Variants in OPRM1 observed in about 807,000 individuals in gnomAD.
OPRM1 encodes opioid receptor mu 1.
In OPRM1, 27 loss-of-function variants were observed where a neutral mutation model predicts 31.8. The observed-to-expected ratio is 0.85, with a 90% confidence interval of 0.63 to 1.17. The LOEUF (loss-of-function observed/expected upper bound fraction) is 1.17, where lower values mean the gene tolerates loss of function less well. Ranked by LOEUF, OPRM1 falls within the 50% of genes most tolerant of loss-of-function variation. The pLI is 0.00. For missense variants in OPRM1, 536 were observed against 511.1 expected (o/e 1.05, Z -0.47); for synonymous variants, 196 against 189.9 (o/e 1.03, Z -0.26).
chr6:154,199,870 T>C, intron 3 of OPRM1: 1 of 1,614,202 alleles, frequency 6.2e-7, no homozygotes, highest in Non-Finnish European at 8.5e-7. Context: ...TTATTGGTTG[T>C]CCCTCATCTT....
chr6:154,100,110 T>TATGA (rs1562472323), intron 3 of OPRM1, among the ~76,000 whole-genome samples: 1 of 24,708 alleles, frequency 4.0e-5, no homozygotes, highest in Admixed American at 5.0e-4. Flanking sequence ...GATATATATA[T>TATGA]TATATATTAT....
At chr6:154,054,000 T>C (rs1418283475) in intron 1 of OPRM1, among the ~76,000 whole-genome samples, 1 of 152,018 alleles carries the variant, frequency 6.6e-6, no homozygotes, top group Non-Finnish European at 1.5e-5. Context: ...CACAATATGC[T>C]TAGACATGTA....
At chr6:154,232,787 G>C (rs554851425) in intron 3 of OPRM1, among the ~76,000 whole-genome samples, 1 of 151,960 alleles carries the variant, frequency 6.6e-6, no homozygotes, top group African/African-American at 2.4e-5. Context: ...GCTATAACCA[G>C]CTTCTCCAGA....
intron 3 of OPRM1, among the ~76,000 whole-genome samples, chr6:154,196,444 A>G (rs1199196584): frequency 2.0e-5 from 3 of 152,184 alleles, no homozygotes; most frequent in Non-Finnish European, 4.4e-5. Context: ...CTTGTTATCT[A>G]CATGACTCCC....
At chr6:154,149,791 T>C (rs539479749) in intron 3 of OPRM1, among the ~76,000 whole-genome samples, 1 of 152,308 alleles carries the variant, frequency 6.6e-6, no homozygotes, top group South Asian at 2.1e-4. Flanking sequence ...GCCTTGTGCC[T>C]ACTACAGTAG....
chr6:154,061,704 C>T (rs1238410833), intron 1 of OPRM1, among the ~76,000 whole-genome samples: 1 of 151,896 alleles, frequency 6.6e-6, no homozygotes, highest in African/African-American at 2.4e-5. Context: ...GATCAAAAAA[C>T]TTTTATCAGG....
At chr6:154,035,281 A>C (rs552074290), upstream of OPRM1, among the ~76,000 whole-genome samples, 1 of 152,204 alleles carries the variant, frequency 6.6e-6, no homozygotes, top group Non-Finnish European at 1.5e-5. Flanking sequence ...ATTGGGTAGA[A>C]GTTGGTGTGA....
intron 3 of OPRM1, among the ~76,000 whole-genome samples, chr6:154,099,349 G>A (rs754130451): frequency 2.5e-3 from 24 of 9,456 alleles, no homozygotes; most frequent in African/African-American, 6.5e-3. Context: ...GGAAGAGAGC[G>A]AGAGAGAGAG....
At chr6:154,239,982 G>A (rs529088525) in intron 3 of OPRM1, among the ~76,000 whole-genome samples, 13 of 152,258 alleles carry the variant, frequency 8.5e-5, no homozygotes, top group South Asian at 4.1e-4. Flanking sequence ...GACTACAGGC[G>A]TGAGCCACAG....
At chr6:154,080,872 T>A (rs922908466) in intron 1 of OPRM1, among the ~76,000 whole-genome samples, 2 of 152,246 alleles carry the variant, frequency 1.3e-5, no homozygotes, top group Non-Finnish European at 2.9e-5. Flanking sequence ...CATTCTCCCA[T>A]GCTGGAAGTG....
intron 3 of OPRM1, among the ~76,000 whole-genome samples, chr6:154,100,949 A>G (rs2128503401): frequency 6.7e-6 from 1 of 148,998 alleles, no homozygotes; most frequent in South Asian, 2.1e-4. Flanking sequence ...ATAAATATAT[A>G]TACACACATA....
rs186720564 is a variant in OPRM1 at position 154,061,758 on chromosome 6, A to G, written c.290+21924A>G. 2.0e-5 allele frequency among the ~76,000 whole-genome samples: 3 copies of G among 151,884 alleles called. No homozygotes were observed. The East Asian group carries it at 5.8e-4, about 29-fold the overall frequency. ...AGTGACAAAATCATTTGAACACCAA[A>G]CTCCAGTGACATGCAATTTACCTAT... On this transcript the variant is annotated intron_variant, in intron 1 of 3. Coordinates refer to ENST00000330432, the MANE Select transcript of OPRM1 (RefSeq NM_000914.5).
chr6:154,198,980 T>C lies in OPRM1; in HGVS notation c.1165-47713T>C, dbSNP rs113191641. 5.6e-3 allele frequency among the ~76,000 whole-genome samples: 860 copies of C among 152,294 alleles called. 5 individuals are homozygous for C. The highest frequency in any genetic ancestry group is 0.02 in the African/African-American group (817 of 41,560). ...ACAATCAGAAAAGATACGTCACGAT[T>C]GAACAGTAATAAAAATAAGTTAGTC... On this transcript the variant is annotated intron_variant, in intron 3 of 3. Coordinates refer to the OPRM1 transcript ENST00000337049.
In OPRM1 at chr6:154,127,412, G is replaced by A. The variant is rs1797654458; in HGVS notation, c.*8691G>A. On this transcript the variant is annotated 3_prime_UTR_variant, in exon 4 of 4. Coordinates refer to ENST00000330432, the MANE Select transcript of OPRM1 (RefSeq NM_000914.5). Reference sequence around the variant, plus strand: ...CTCTTCAAGGGTTTAGGGGCTTAGGGGGAGGTTTTGTTTGGGTTTTTTGTT... The same window carrying A: ...CTCTTCAAGGGTTTAGGGGCTTAGGAGGAGGTTTTGTTTGGGTTTTTTGTT... Among the ~76,000 whole-genome samples the A allele has an allele frequency of 6.6e-6, 1 of 152,142 alleles. No homozygotes were observed.
chr6:154,200,857 C>T (rs186889861), intron 3 of OPRM1, among the ~76,000 whole-genome samples: 1 of 152,152 alleles, frequency 6.6e-6, no homozygotes, highest in Admixed American at 6.5e-5. Context: ...GAGAAAACAT[C>T]AAAGCAACAT....
At position 154,091,484 on chromosome 6, in the gene OPRM1, C is replaced by G. The variant is rs17181227; in HGVS notation, c.1164+12C>G. ...GAACTAATCATCAGGTACGCAGTCT[C>G]TAGAATTAGGTATATCTACTGGGGA... is the stretch of plus-strand genomic sequence containing the variant. On this transcript the variant is annotated intron_variant, in intron 3 of 3. Transcript: ENST00000330432. The G allele has an allele frequency of 6.7e-4, 1,077 of 1,602,928 alleles. 4 individuals carry two copies. The African/African-American group carries it at 0.013, about 19-fold the overall frequency.
intron 1 of OPRM1, among the ~76,000 whole-genome samples, chr6:154,082,623 A>C (rs929479104): frequency 5.3e-5 from 8 of 152,204 alleles, no homozygotes; most frequent in African/African-American, 1.9e-4. Flanking sequence ...CTAGTAATGT[A>C]TACTTGATTT....
intron 1 of OPRM1, among the ~76,000 whole-genome samples, chr6:154,082,764 T>C (rs1249507254): frequency 5.9e-5 from 9 of 152,222 alleles, no homozygotes; most frequent in Admixed American, 5.9e-4. Flanking sequence ...AGCAGTATTC[T>C]CTGTAAACCA....
intron 3 of OPRM1, among the ~76,000 whole-genome samples, chr6:154,205,633 T>G (rs1263162237): frequency 6.6e-6 from 1 of 152,100 alleles, no homozygotes; most frequent in African/African-American, 2.4e-5. Context: ...ACACATTAAT[T>G]TATTATGTAT....
Sources: gnomAD v4.1 joint callset for allele counts (sites outside exome capture counted in the v4.1 genomes callset) on GRCh38, gnomAD v4.1.1 for gene constraint, MANE v1.5 for transcripts, NCBI Gene and HGNC (gene_info 2026-07-23, HGNC 2026-07-21) for gene names.